The following CPA3 variants were observed in gnomAD, a reference collection of about 807,000 sequenced individuals.
The protein encoded by CPA3 is mast cell carboxypeptidase A.
Under a neutral mutation model 55.8 loss-of-function variants are expected in CPA3, and 52 were observed. That is an observed-to-expected ratio of 0.93 (90% CI 0.75 to 1.17). The LOEUF is 1.17. Among genes scored for constraint, CPA3 ranks in the 50% most tolerant of loss-of-function variants. The probability of loss-of-function intolerance (pLI) is 0.00; values close to 1 mark genes in which losing one functional copy is unlikely to be tolerated. For synonymous variants in CPA3, 179 were observed against 171.2 expected (o/e 1.05, Z -0.36); for missense variants, 547 against 509.1 (o/e 1.07, Z -0.72).
chr3:148,884,251 C>A (rs1172467515), intron 9 of CPA3, among the ~76,000 whole-genome samples: 3 of 152,142 alleles, frequency 2.0e-5, no homozygotes, highest in African/African-American at 4.8e-5. Context: ...AAATTATATT[C>A]TTTTACAATC....
chr3:148,884,408 G>T (rs904074036), intron 9 of CPA3, among the ~76,000 whole-genome samples: 2 of 152,094 alleles, frequency 1.3e-5, no homozygotes, highest in Non-Finnish European at 2.9e-5. Context: ...GGGTTCCAAT[G>T]AATCACAGGA....
At position 148,881,575 on chromosome 3, in the gene CPA3, G is replaced by A. The variant is rs762629045; in HGVS notation, c.630G>A (p.Met210Ile). 1.9e-6 allele frequency: 3 copies of A among 1,612,808 alleles called. No individual in the cohort carries two copies. Reference protein sequence around the residue: ...NKIMTKLLDRMNFYILPVFNV... With the variant: ...NKIMTKLLDRINFYILPVFNV... ...TTATGACCAAACTCTTGGACCGAATGAATTTTTACATTCTTCCTGTGTTCA... is the reference window on the plus strand; with the variant it reads ...TTATGACCAAACTCTTGGACCGAATAAATTTTTACATTCTTCCTGTGTTCA... The change falls in exon 7 of 11, where the codon ATG (methionine) becomes ATA (isoleucine). Residue 210 changes from methionine (M) to isoleucine (I), a missense_variant. Met to Ile is a conservative substitution (Grantham distance 10). Transcript: ENST00000296046.
chr3:148,874,899 A>G (rs1187535628), intron 3 of CPA3, among the ~76,000 whole-genome samples: 1 of 152,238 alleles, frequency 6.6e-6, no homozygotes, highest in Admixed American at 6.5e-5. Flanking sequence ...TGTCGATTTT[A>G]TGACCCAACT....
intron 9 of CPA3, among the ~76,000 whole-genome samples, chr3:148,885,196 T>C (rs1294035100): frequency 6.6e-6 from 1 of 151,970 alleles, no homozygotes; most frequent in Non-Finnish European, 1.5e-5. Flanking sequence ...TGTAGCAATA[T>C]GAGCCTGTTA....
At chr3:148,878,954 A>T (rs1714287008) in intron 5 of CPA3, among the ~76,000 whole-genome samples, 1 of 152,210 alleles carries the variant, frequency 6.6e-6, no homozygotes, top group African/African-American at 2.4e-5. Context: ...TTTGTCAGAG[A>T]TTGCACAGTG....
At chr3:148,875,893 T>C (rs942936729) in intron 3 of CPA3, among the ~76,000 whole-genome samples, 1 of 152,138 alleles carries the variant, frequency 6.6e-6, no homozygotes, top group Non-Finnish European at 1.5e-5. Context: ...AAAGATAAGT[T>C]TTCCTGTAAA....
intron 9 of CPA3, 83 bp downstream of exon 9, chr3:148,883,898 AAG>A (rs765051598): frequency 3.9e-6 from 4 of 1,013,472 alleles, no homozygotes; most frequent in African/African-American, 1.6e-5. Flanking sequence ...GGTATGTTGA[AAG>A]AATTTCACAT....
intron 2 of CPA3, among the ~76,000 whole-genome samples, chr3:148,866,382 AAGG>A (rs1376568033): frequency 6.6e-6 from 1 of 152,182 alleles, no homozygotes; most frequent in Non-Finnish European, 1.5e-5. Flanking sequence ...TACCTCTTGC[AAGG>A]AGAATTTCCA....
intron 6 of CPA3, among the ~76,000 whole-genome samples, chr3:148,881,206 A>G (rs1044695851): frequency 3.3e-5 from 5 of 152,182 alleles, no homozygotes; most frequent in South Asian, 2.1e-4. Context: ...AATAAGTTGT[A>G]TTACAAATTT....
intron 10 of CPA3, among the ~76,000 whole-genome samples, chr3:148,888,639 C>T (rs180728972): frequency 1.3e-5 from 2 of 152,274 alleles, no homozygotes; most frequent in Admixed American, 1.3e-4. Context: ...ACCCAGACAC[C>T]ACATGAGAGC....
chr3:148,882,683 A>T (rs1714404399), intron 8 of CPA3, 88 bp downstream of exon 8: 4 of 1,005,094 alleles, frequency 4.0e-6, no homozygotes, highest in African/African-American at 1.6e-5. Context: ...GTTCAGTAAA[A>T]ATAGTTATGC....
rs1355495080 is a variant in CPA3, at chr3:148,896,630, C to T, written c.1177C>T (p.Arg393Trp). 8.2e-6 allele frequency: 13 copies of T among 1,591,062 alleles called. No homozygotes were observed. The highest frequency in any genetic ancestry group is 1.7e-4 in the Middle Eastern group (1 of 6,002). The change falls in exon 11 of 11, where the codon CGG becomes TGG. Residue 393 changes from arginine (R) to tryptophan (W), a missense_variant. Coordinates refer to ENST00000296046, the MANE Select transcript of CPA3 (RefSeq NM_001870.4). ...GKFGFLLPES[R>W]IKPTCRETML... ...ATTTGGTTTTCTCCTTCCAGAATCCCGGATAAAGCCAACGTGCAGAGAGAC... is the reference window on the plus strand; with the variant it reads ...ATTTGGTTTTCTCCTTCCAGAATCCTGGATAAAGCCAACGTGCAGAGAGAC...
chr3:148,883,317 A>C (rs772292135), intron 8 of CPA3, among the ~76,000 whole-genome samples: 4 of 152,132 alleles, frequency 2.6e-5, no homozygotes, highest in Non-Finnish European at 4.4e-5. Flanking sequence ...TTAGAACTGG[A>C]GTGTATCTGG....
At chr3:148,882,175 T>C (rs1179339157) in intron 7 of CPA3, among the ~76,000 whole-genome samples, 1 of 152,192 alleles carries the variant, frequency 6.6e-6, no homozygotes, top group African/African-American at 2.4e-5. Context: ...AATCTATATA[T>C]GGTGAACAAG....
Position 148,881,613 on chromosome 3 carries a change from A to C in CPA3, c.668A>C (p.Tyr223Ser). The C allele has an allele frequency of 6.2e-7, 1 of 1,609,884 alleles. No individual in the cohort carries two copies. Among genetic ancestry groups the C allele is most frequent in the Non-Finnish European group, 8.5e-7 (1 of 1,176,850 alleles). The change falls in exon 7 of 11, where the codon TAT (tyrosine) becomes TCT (serine). Residue 223 changes from tyrosine to serine, a missense_variant. Physicochemically the swap from Tyr to Ser is moderately radical, Grantham distance 144. Transcript: ENST00000296046. The stretch of plus-strand genomic sequence containing the variant: ...CTTCCTGTGTTCAATGTTGATGGAT[A>C]TATTTGGTCATGGACAAAGGTACTG... ...YILPVFNVDGYIWSWTKNRMW... is the reference protein window; with the variant it reads ...YILPVFNVDGSIWSWTKNRMW...
chr3:148,892,687 A>G (rs1457496226), intron 10 of CPA3, among the ~76,000 whole-genome samples: 1 of 149,890 alleles, frequency 6.7e-6, no homozygotes, highest in African/African-American at 2.5e-5. Context: ...AAAAAACCAA[A>G]GCAAAACTGT....
intron 10 of CPA3, among the ~76,000 whole-genome samples, chr3:148,891,799 AT>A: frequency 6.6e-6 from 1 of 152,204 alleles, no homozygotes; most frequent in East Asian, 1.9e-4. Flanking sequence ...TCGACTGCAA[AT>A]AGAGAGCTAC....
At chr3:148,867,490 C>A (rs889117495) in intron 2 of CPA3, among the ~76,000 whole-genome samples, 9 of 152,210 alleles carry the variant, frequency 5.9e-5, no homozygotes, top group Admixed American at 5.9e-4. Flanking sequence ...CAGCTCTTTG[C>A]CTCCTGCTTA....
intron 10 of CPA3, among the ~76,000 whole-genome samples, chr3:148,893,073 A>G (rs531530225): frequency 1.3e-5 from 2 of 152,320 alleles, no homozygotes; most frequent in Non-Finnish European, 2.9e-5. Context: ...TTAAGTTACA[A>G]TTTATTATTT....
Sources: gnomAD v4.1 joint callset for allele counts (sites outside exome capture counted in the v4.1 genomes callset) on GRCh38, gnomAD v4.1.1 for gene constraint, MANE v1.5 for transcripts, NCBI Gene and HGNC (gene_info 2026-07-23, HGNC 2026-07-21) for gene names.